The following CELF4 variants were observed in gnomAD, a reference collection of about 807,000 sequenced individuals.
CELF4 encodes the protein CUG-BP- and ETR-3-like factor 4.
Under a neutral mutation model 59.9 loss-of-function variants are expected in CELF4, and 18 were observed. That is an observed-to-expected ratio of 0.30 (90% CI 0.21 to 0.45). The LOEUF is 0.45. Ranked by LOEUF, CELF4 falls within the 20% of genes least tolerant of loss-of-function variation. CELF4 has a pLI of 1.00. For missense variants in CELF4, 456 were observed against 689.0 expected, an observed-to-expected ratio of 0.66 and a Z score of 3.79; for synonymous variants, 261 against 267.1, an observed-to-expected ratio of 0.98 and a Z score of 0.22.
In CELF4 at chr18:37,321,738, GCGT is replaced by G. The variant is rs1491229677; in HGVS notation, c.448+62_448+64del. 5.8e-6 allele frequency: 7 copies of G among 1,206,138 alleles called. No homozygotes were observed. In the Admixed American group the frequency reaches 8.9e-5, roughly 15 times the overall value. The allele number at this position is 1,206,138 out of a possible 1,614,324, so 74.7% of individuals were successfully genotyped here. ...CGGGGAGTCGCTGCATCGCCTTGCT[GCGT>G]CGGGAAAAGGAGGGAGGAGTGAGAG... On this transcript the variant is annotated intron_variant, in intron 3 of 12. Coordinates refer to ENST00000420428, the MANE Select transcript of CELF4 (RefSeq NM_020180.4).
chr18:37,403,344 G>A (rs548899887), intron 2 of CELF4, among the ~76,000 whole-genome samples: 3 of 152,152 alleles, frequency 2.0e-5, no homozygotes, highest in African/African-American at 7.2e-5. Context: ...GCCTGGGAGC[G>A]AAAGCCTCAT....
chr18:37,508,997 C>T (rs1364004938), intron 1 of CELF4, among the ~76,000 whole-genome samples: 5 of 152,180 alleles, frequency 3.3e-5, no homozygotes, highest in Non-Finnish European at 7.3e-5. Flanking sequence ...CACTCCTGCC[C>T]TAATGTGGTC....
At chr18:37,272,709 C>A (rs2091895591) in intron 7 of CELF4, among the ~76,000 whole-genome samples, 1 of 151,748 alleles carries the variant, frequency 6.6e-6, no homozygotes, top group African/African-American at 2.4e-5. Flanking sequence ...ATGTCAATTT[C>A]TTTCCAGGTC....
intron 1 of CELF4, among the ~76,000 whole-genome samples, chr18:37,543,148 C>T (rs989019134): frequency 1.3e-5 from 2 of 152,192 alleles, no homozygotes; most frequent in Non-Finnish European, 2.9e-5. Flanking sequence ...AATCTGAACT[C>T]TAAATCCAGC....
chr18:37,271,840 C>G (rs1254937486), intron 7 of CELF4, among the ~76,000 whole-genome samples: 1 of 152,098 alleles, frequency 6.6e-6, no homozygotes, highest in Non-Finnish European at 1.5e-5. Context: ...ATGACAATAC[C>G]CTGTGTCCTC....
chr18:37,528,519 T>C (rs987087878), intron 1 of CELF4, among the ~76,000 whole-genome samples: 5 of 152,230 alleles, frequency 3.3e-5, no homozygotes, highest in Non-Finnish European at 5.9e-5. Flanking sequence ...AGTAGATTTA[T>C]GTACATGCTG....
intron 2 of CELF4, among the ~76,000 whole-genome samples, chr18:37,451,260 G>GA (rs2099762982): frequency 6.6e-6 from 1 of 152,188 alleles, no homozygotes; most frequent in South Asian, 2.1e-4. Context: ...ATGTGAGCCT[G>GA]ATAAGGGAGG....
chr18:37,322,416 G>T (rs1219120520), intron 2 of CELF4, among the ~76,000 whole-genome samples: 1 of 152,240 alleles, frequency 6.6e-6, no homozygotes, highest in East Asian at 1.9e-4. Flanking sequence ...CCAGCTCCAT[G>T]GTTAAAGCAG....
intron 2 of CELF4, among the ~76,000 whole-genome samples, chr18:37,411,306 G>A (rs1376409041): frequency 1.3e-5 from 2 of 152,168 alleles, no homozygotes; most frequent in Non-Finnish European, 2.9e-5. Context: ...TCAGAGTTCA[G>A]AAGTCTCGAA....
At chr18:37,463,841 C>T (rs889901693) in intron 2 of CELF4, among the ~76,000 whole-genome samples, 1 of 152,146 alleles carries the variant, frequency 6.6e-6, no homozygotes, top group Non-Finnish European at 1.5e-5. Context: ...GTTTTCTAAT[C>T]TGTCCCCACC....
rs998063739 is a variant in CELF4, at chr18:37,274,901, G to A, written c.578-17C>T. 6.2e-7 allele frequency: 1 copy of A among 1,602,284 alleles called. No homozygotes were observed. The highest frequency in any genetic ancestry group is 8.5e-7 in the Non-Finnish European group (1 of 1,175,172). ...AGGCGCACCCTGCGAGGACGCGAGA[G>A]GCCGAGCTGGGACCCAGAAGCAGGG... is the stretch of plus-strand genomic sequence containing the variant. On this transcript the variant is annotated splice_polypyrimidine_tract_variant and intron_variant, in intron 4 of 12. Transcript: ENST00000420428.
At chr18:37,519,403 G>T (rs183150428) in intron 1 of CELF4, among the ~76,000 whole-genome samples, 8 of 152,142 alleles carry the variant, frequency 5.3e-5, no homozygotes, top group Non-Finnish European at 8.8e-5. Flanking sequence ...ACTTTGTCTG[G>T]CTTTGTTTGC....
At chr18:37,469,933 C>A (rs1397355587) in intron 2 of CELF4, among the ~76,000 whole-genome samples, 3 of 152,090 alleles carry the variant, frequency 2.0e-5, no homozygotes, top group African/African-American at 7.2e-5. Context: ...TAGCCCACCT[C>A]GCCACTTCAT....
intron 2 of CELF4, among the ~76,000 whole-genome samples, chr18:37,377,590 AGAGAACATG>A (rs2098985582): frequency 6.6e-6 from 1 of 152,198 alleles, no homozygotes. Context: ...CACGGTGATG[AGAGAACATG>A]GAGAACATGA....
intron 2 of CELF4, among the ~76,000 whole-genome samples, chr18:37,420,741 A>G (rs1390030471): frequency 6.6e-6 from 1 of 152,186 alleles, no homozygotes; most frequent in East Asian, 1.9e-4. Flanking sequence ...GGCTTCCTGC[A>G]TCCCACAGAG....
At chr18:37,408,324 A>G (rs567192132) in intron 2 of CELF4, among the ~76,000 whole-genome samples, 15 of 152,306 alleles carry the variant, frequency 9.8e-5, no homozygotes, top group African/African-American at 3.6e-4. Flanking sequence ...AGTTGAGGCT[A>G]CTGTCTTTCT....
At chr18:37,274,669 G>T (rs1392981420) in intron 5 of CELF4, 136 bp downstream of exon 5, 2 of 1,480,176 alleles carry the variant, frequency 1.4e-6, no homozygotes, top group African/African-American at 2.8e-5. Flanking sequence ...GGGCTTCCGC[G>T]TCCTTGTCTG....
chr18:37,529,472 G>C (rs897040378), intron 1 of CELF4, among the ~76,000 whole-genome samples: 13 of 152,322 alleles, frequency 8.5e-5, no homozygotes, highest in African/African-American at 3.1e-4. Context: ...CGGAGGAGCA[G>C]GCAAACCAGG....
chr18:37,427,041 G>T lies in CELF4; in HGVS notation c.369+58484C>A, dbSNP rs879673295. Among the ~76,000 whole-genome samples the T allele has an allele frequency of 1.8e-3, 266 of 151,424 alleles. 2 individuals are homozygous for T. The highest frequency in any genetic ancestry group is 4.9e-3 in the African/African-American group (202 of 41,400). Reference sequence around the variant, plus strand: ...GTGCTGGCAGCAGCAGGGACACGGGGGGGGGGGAAGCTGGGCACCCTGGGT... The same window carrying T: ...GTGCTGGCAGCAGCAGGGACACGGGTGGGGGGGAAGCTGGGCACCCTGGGT... On this transcript the variant is annotated intron_variant, in intron 2 of 12. Transcript: ENST00000420428.
Sources: allele counts gnomAD v4.1 joint callset (sites outside exome capture counted in the v4.1 genomes callset), GRCh38; gene constraint gnomAD v4.1.1; transcripts MANE v1.5; gene names NCBI Gene and HGNC (gene_info 2026-07-23, HGNC 2026-07-21).